ZC3H11A: variants seen among roughly 807,000 people sequenced by gnomAD.
The protein encoded by ZC3H11A is zinc finger CCCH domain-containing protein 11A.
Under a neutral mutation model 90.8 loss-of-function variants are expected in ZC3H11A, and 22 were observed. The ratio of observed to expected loss-of-function variants is 0.24; its 90% CI spans 0.17 to 0.35. ZC3H11A has a LOEUF of 0.35. Among genes scored for constraint, ZC3H11A ranks in the 10% least tolerant of loss-of-function variants. The pLI, the probability that ZC3H11A is intolerant of heterozygous loss-of-function variation, is 1.00. For missense variants in ZC3H11A, 701 were observed against 964.9 expected, an observed-to-expected ratio of 0.73 and a Z score of 3.62; for synonymous variants, 294 against 339.8, an observed-to-expected ratio of 0.87 and a Z score of 1.48.
chr1:203,805,506 A>G (rs1159967984), intron 2 of ZC3H11A: 1 of 463,614 alleles, frequency 2.2e-6, no homozygotes, highest in East Asian at 5.7e-5. Flanking sequence ...GAGCAATGTA[A>G]TTAAACTTTC....
At chr1:203,798,262 T>C in intron 1 of ZC3H11A, 2 of 1,536,114 alleles carry the variant, frequency 1.3e-6, no homozygotes, top group African/African-American at 1.4e-5. Flanking sequence ...AGAGGGAGAT[T>C]TCTCATCAAA....
chr1:203,838,208 G>C (rs965987860), intron 11 of ZC3H11A, 144 bp downstream of exon 11: 1 of 813,652 alleles, frequency 1.2e-6, no homozygotes, highest in Non-Finnish European at 1.9e-6. Flanking sequence ...ACAAACATTT[G>C]ATCCTTAGTC....
intron 11 of ZC3H11A, 81 bp downstream of exon 11, chr1:203,838,145 A>G (rs34947847): frequency 0.13 from 171,474 of 1,325,544 alleles, 12,555 homozygotes; most frequent in Non-Finnish European, 0.15. Context: ...ATGGTTTTTC[A>G]TTCTTTTGTT....
At chr1:203,800,262 C>T (rs766899441) in intron 1 of ZC3H11A, 1 of 1,070,458 alleles carries the variant, frequency 9.3e-7, no homozygotes, top group Non-Finnish European at 1.4e-6. Flanking sequence ...GTGTAGTTGG[C>T]AATCTGAATG....
intron 4 of ZC3H11A, among the ~76,000 whole-genome samples, chr1:203,824,329 G>A (rs187932491): frequency 6.6e-6 from 1 of 151,356 alleles, no homozygotes; most frequent in East Asian, 1.9e-4. Context: ...ACTTGCATAT[G>A]AATTTTAAAA....
At chr1:203,824,423 C>A (rs1679815176) in intron 4 of ZC3H11A, among the ~76,000 whole-genome samples, 2 of 152,152 alleles carry the variant, frequency 1.3e-5, no homozygotes, top group South Asian at 4.1e-4. Context: ...TTATCATGTA[C>A]CCCTTCTGTG....
chr1:203,799,500 G>A, intron 1 of ZC3H11A: 1 of 703,026 alleles, frequency 1.4e-6, no homozygotes, highest in Non-Finnish European at 2.6e-6. Context: ...ATGGCTCTTG[G>A]AGCATTGCTA....
At chr1:203,829,945 T>C in intron 7 of ZC3H11A, 49 bp downstream of exon 7, 1 of 1,538,016 alleles carries the variant, frequency 6.5e-7, no homozygotes, top group Non-Finnish European at 9.0e-7. Flanking sequence ...TGAAACTACC[T>C]TTGAAATTTA....
chr1:203,814,745 G>T (rs915490598), intron 2 of ZC3H11A, among the ~76,000 whole-genome samples: 6 of 151,980 alleles, frequency 3.9e-5, no homozygotes, highest in Admixed American at 3.9e-4. Flanking sequence ...TTTGTTTTTG[G>T]TTTTTTACAG....
intron 4 of ZC3H11A, 106 bp downstream of exon 4, chr1:203,818,795 T>C: frequency 6.5e-7 from 1 of 1,529,024 alleles, no homozygotes; most frequent in Non-Finnish European, 8.9e-7. Context: ...TAAGGCTGAG[T>C]GCAGTGGCTC....
Position 203,818,280 on chromosome 1 carries a change from A to ATTT in ZC3H11A, c.55-290_55-289insTTT, listed in dbSNP as rs1425946377. 1.2e-3 allele frequency among the ~76,000 whole-genome samples: 184 copies of ATTT among 151,650 alleles called. 1 individual carries two copies. Among genetic ancestry groups the ATTT allele is most frequent in the Non-Finnish European group, 2.1e-3 (145 of 67,470 alleles). On this transcript the variant is annotated intron_variant, in intron 3 of 17. Transcript: ENST00000367210. ...GATGTCAGTTTTGAAGATGAACTGTAAAATACATTTTTAAAGAGGACCTAA... is the reference window on the plus strand; with the variant it reads ...GATGTCAGTTTTGAAGATGAACTGTATTTAAATACATTTTTAAAGAGGACCTAA...
intron 10 of ZC3H11A, 40 bp downstream of exon 10, chr1:203,833,893 T>C (rs751613265): frequency 9.5e-6 from 15 of 1,580,748 alleles, no homozygotes; most frequent in Middle Eastern, 1.7e-4. Context: ...TTTCTACTTG[T>C]TTGTGCATTA....
intron 14 of ZC3H11A, 65 bp downstream of exon 14, chr1:203,848,472 A>C (rs1479318269): frequency 3.2e-6 from 4 of 1,250,138 alleles, no homozygotes; most frequent in Middle Eastern, 2.1e-4. Flanking sequence ...TGGTAGTTTT[A>C]CCTTACAATA....
In ZC3H11A at chr1:203,817,219, A is replaced by G. The variant is rs1002458092; in HGVS notation, c.54+95A>G. 1.4e-5 allele frequency: 15 copies of G among 1,054,794 alleles called. No individual in the cohort carries two copies. The African/African-American group carries it at 2.0e-4, about 14-fold the overall frequency. 65.3% of individuals were successfully genotyped at this position (1,054,794 alleles called of 1,614,324 possible). ...ACATTTTAAGTTGTTTTTATTATAT[A>G]TATATTTTTTGCCCAACTTTATTAT... On this transcript the variant is annotated intron_variant, in intron 3 of 17. Coordinates refer to ENST00000367210, the MANE Select transcript of ZC3H11A (RefSeq NM_001376342.1).
intron 3 of ZC3H11A, 91 bp downstream of exon 3, chr1:203,817,215 A>G (rs904068612): frequency 1.0e-5 from 11 of 1,068,792 alleles, no homozygotes; most frequent in South Asian, 2.0e-5. Flanking sequence ...TGTTTTTATT[A>G]TATATATATT....
intron 1 of ZC3H11A, chr1:203,796,772 C>T (rs1668653082): frequency 3.8e-6 from 1 of 262,166 alleles, no homozygotes; most frequent in South Asian, 1.7e-4. Context: ...CTTGAATTAA[C>T]TCTTAATACA....
At chr1:203,825,498 C>T (rs1680232597) in intron 4 of ZC3H11A, among the ~76,000 whole-genome samples, 1 of 139,678 alleles carries the variant, frequency 7.2e-6, no homozygotes, top group Non-Finnish European at 1.5e-5. Flanking sequence ...GCAGTGGCTC[C>T]ATCTTGGCTC....
intron 3 of ZC3H11A, among the ~76,000 whole-genome samples, chr1:203,817,707 A>G (rs1006721513): frequency 6.6e-6 from 1 of 152,000 alleles, no homozygotes; most frequent in African/African-American, 2.4e-5. Context: ...CTAATTCTAT[A>G]AACGTATATG....
intron 9 of ZC3H11A, among the ~76,000 whole-genome samples, chr1:203,833,119 C>T (rs12752055): frequency 0.1 from 15,761 of 152,084 alleles, 1,101 homozygotes; most frequent in Non-Finnish European, 0.15. Flanking sequence ...CCTGTAATCC[C>T]GGCACTTTGG....
Sources: gnomAD v4.1 joint callset for allele counts (sites outside exome capture counted in the v4.1 genomes callset) on GRCh38, gnomAD v4.1.1 for gene constraint, MANE v1.5 for transcripts, NCBI Gene and HGNC (gene_info 2026-07-23, HGNC 2026-07-21) for gene names.